TTLL7: variants seen among roughly 807,000 people sequenced by gnomAD.
TTLL7 encodes tubulin polyglutamylase TTLL7.
Under a neutral mutation model 120.2 loss-of-function variants are expected in TTLL7, and 53 were observed. The observed-to-expected ratio is 0.44, with a 90% CI of 0.35 to 0.55. The LOEUF (loss-of-function observed/expected upper bound fraction) is 0.55. Ranked by LOEUF, TTLL7 falls within the 20% of genes least tolerant of loss-of-function variation. The pLI is 0.00. For synonymous variants in TTLL7, 353 were observed against 351.7 expected (o/e 1.00, Z -0.04); for missense variants, 803 against 1,054.7 (o/e 0.76, Z 3.31).
chr1:83,992,181 CAT>C (rs1274019875), intron 1 of TTLL7, among the ~76,000 whole-genome samples: 1 of 151,902 alleles, frequency 6.6e-6, no homozygotes, highest in East Asian at 1.9e-4. Flanking sequence ...GCTTTTTGCA[CAT>C]ATATATATAC....
chr1:83,952,588 GA>G (rs1339485402), intron 1 of TTLL7, among the ~76,000 whole-genome samples: 2 of 152,152 alleles, frequency 1.3e-5, no homozygotes, highest in African/African-American at 4.8e-5. Flanking sequence ...TCTAGGGGAA[GA>G]AGTTTTATTA....
intron 5 of TTLL7, among the ~76,000 whole-genome samples, chr1:83,947,835 CAG>C (rs1055488841): frequency 1.3e-5 from 2 of 151,972 alleles, no homozygotes; most frequent in South Asian, 2.1e-4. Context: ...TTTTTAGAGT[CAG>C]AAAGTTTACT....
chr1:83,909,874 A>C (rs1657532220), intron 15 of TTLL7, among the ~76,000 whole-genome samples: 1 of 152,126 alleles, frequency 6.6e-6, no homozygotes, highest in Non-Finnish European at 1.5e-5. Flanking sequence ...ATTTGGGCAT[A>C]AAAACCTCAG....
At chr1:83,871,025 T>G (rs1057077779) in intron 20 of TTLL7, among the ~76,000 whole-genome samples, 3 of 149,020 alleles carry the variant, frequency 2.0e-5, no homozygotes, top group African/African-American at 7.3e-5. Flanking sequence ...TTTATATATA[T>G]TATATAGTAT....
intron 18 of TTLL7, among the ~76,000 whole-genome samples, chr1:83,895,912 T>C (rs932996948): frequency 6.6e-6 from 1 of 152,046 alleles, no homozygotes; most frequent in Non-Finnish European, 1.5e-5. Flanking sequence ...AGGCACCCCC[T>C]CCTTTATGGC....
intron 1 of TTLL7, among the ~76,000 whole-genome samples, chr1:83,956,254 G>A (rs547926911): frequency 6.6e-6 from 1 of 151,270 alleles, no homozygotes; most frequent in East Asian, 1.9e-4. Context: ...ACCACAACAG[G>A]CTTTTATTAT....
rs779099612 is a variant in TTLL7, at chr1:83,952,256, G to T, written c.-45C>A. ...CAAGCAGTGTGTGCTGCTGTACCAA[G>T]CTCTCAGGAAATCTGGAAATTCCAC... On this transcript the variant is annotated 5_prime_UTR_variant, in exon 2 of 21. Transcript: ENST00000260505. 57 of 1,610,124 alleles carry T rather than the reference G, an allele frequency of 3.5e-5. No homozygotes were observed. In the East Asian group the frequency reaches 1.3e-3, roughly 36 times the overall value.
intron 20 of TTLL7, among the ~76,000 whole-genome samples, chr1:83,871,750 A>T (rs112002960): frequency 0.012 from 1,798 of 152,012 alleles, 36 homozygotes; most frequent in African/African-American, 0.04. Flanking sequence ...AAAAAAAATT[A>T]GCCGGTTGTG....
intron 18 of TTLL7, among the ~76,000 whole-genome samples, chr1:83,894,942 A>G (rs1326874825): frequency 6.6e-6 from 1 of 152,042 alleles, no homozygotes; most frequent in African/African-American, 2.4e-5. Context: ...GGAACAACAG[A>G]CTGAGGGAAC....
chr1:83,959,448 ACT>A (rs1487589221), intron 1 of TTLL7, among the ~76,000 whole-genome samples: 2 of 152,122 alleles, frequency 1.3e-5, no homozygotes, highest in African/African-American at 4.8e-5. Flanking sequence ...GCCCAGCAGG[ACT>A]CTCACTTTTT....
At chr1:83,992,611 C>T (rs1653102263) in intron 1 of TTLL7, among the ~76,000 whole-genome samples, 1 of 152,046 alleles carries the variant, frequency 6.6e-6, no homozygotes, top group African/African-American at 2.4e-5. Flanking sequence ...CTTTTTCTCT[C>T]TAGCTCCATT....
chr1:83,950,405 T>G (rs1648935772), intron 3 of TTLL7, among the ~76,000 whole-genome samples: 2 of 152,162 alleles, frequency 1.3e-5, no homozygotes, highest in Admixed American at 1.3e-4. Flanking sequence ...TATGCCATAC[T>G]TTCCACCTCC....
chr1:83,922,674 T>A (rs1658783265), intron 10 of TTLL7, among the ~76,000 whole-genome samples: 1 of 139,884 alleles, frequency 7.1e-6, no homozygotes, highest in Non-Finnish European at 1.6e-5. Context: ...GAAACTCAGC[T>A]TCTCACATGG....
At chr1:83,933,129 C>G (rs1284430052) in intron 9 of TTLL7, among the ~76,000 whole-genome samples, 1 of 151,992 alleles carries the variant, frequency 6.6e-6, no homozygotes, top group East Asian at 1.9e-4. Context: ...TATAACATGG[C>G]CTTAAAGGAG....
intron 14 of TTLL7, among the ~76,000 whole-genome samples, chr1:83,916,329 A>T (rs1193263793): frequency 6.6e-6 from 1 of 152,182 alleles, no homozygotes; most frequent in Non-Finnish European, 1.5e-5. Context: ...GGATGAGTTC[A>T]TGTCCTTTGT....
intron 1 of TTLL7, among the ~76,000 whole-genome samples, chr1:83,989,310 C>T (rs1652768175): frequency 6.6e-6 from 1 of 152,060 alleles, no homozygotes; most frequent in African/African-American, 2.4e-5. Context: ...AGTTTGAGGA[C>T]TTATATTTAA....
chr1:83,883,742 T>TG (rs1257869898), intron 19 of TTLL7, among the ~76,000 whole-genome samples: 1 of 152,048 alleles, frequency 6.6e-6, no homozygotes, highest in Admixed American at 6.6e-5. Flanking sequence ...TAAGAATGAA[T>TG]GATCCCTTGA....
At chr1:83,976,212 A>C (rs1414976860) in intron 1 of TTLL7, among the ~76,000 whole-genome samples, 1 of 152,074 alleles carries the variant, frequency 6.6e-6, no homozygotes, top group Non-Finnish European at 1.5e-5. Context: ...TTCATTTTCT[A>C]ACTTACATAT....
In TTLL7 at chr1:83,892,413, T is replaced by TGAATATATATAC. The variant is rs1557563565; in HGVS notation, c.2209-1933_2209-1932insGTATATATATTC. On this transcript the variant is annotated intron_variant, in intron 18 of 20. Transcript: ENST00000260505. ...ATACGAATATATATGAACATATATA[T>TGAATATATATAC]GAACATATATATGAACATATATATG... 8.7e-4 allele frequency among the ~76,000 whole-genome samples: 72 copies of TGAATATATATAC among 82,418 alleles called. 10 individuals are homozygous for TGAATATATATAC. Among genetic ancestry groups the TGAATATATATAC allele is most frequent in the Middle Eastern group, 9.3e-3 (1 of 108 alleles). 54.1% of individuals were successfully genotyped at this position (82,418 alleles called of 152,430 possible). A position where few individuals can be genotyped will look rare whatever the true frequency, so the allele number is the denominator to read the frequency against.
Sources: allele counts gnomAD v4.1 joint callset (sites outside exome capture counted in the v4.1 genomes callset), GRCh38; gene constraint gnomAD v4.1.1; transcripts MANE v1.5; gene names NCBI Gene and HGNC (gene_info 2026-07-23, HGNC 2026-07-21).